SLC18B1: variants seen among roughly 807,000 people sequenced by gnomAD.
The protein encoded by SLC18B1 is solute carrier family 18 member B1, also known as MFS-type transporter SLC18B1.
SLC18B1 carries 62 observed loss-of-function variants against 53.9 expected under a neutral mutation model. That is an observed-to-expected ratio of 1.15 (90% CI 0.94 to 1.42). The LOEUF is 1.42. Ranked by LOEUF, SLC18B1 falls within the 40% of genes most tolerant of loss-of-function variation. SLC18B1 has a pLI of 0.00. For missense variants in SLC18B1, 598 were observed against 547.3 expected (o/e 1.09, Z -0.93); for synonymous variants, 217 against 200.9 (o/e 1.08, Z -0.68).
chr6:132,778,322 G>T (rs1328075567), intron 7 of SLC18B1, among the ~76,000 whole-genome samples: 1 of 152,072 alleles, frequency 6.6e-6, no homozygotes, highest in Non-Finnish European at 1.5e-5. Context: ...GGTACCTTAT[G>T]GATACTCACT....
In SLC18B1 at chr6:132,770,247, G is replaced by T. The variant is rs369337528; in HGVS notation, c.*23C>A. 58 of 1,596,110 alleles carry T rather than the reference G, an allele frequency of 3.6e-5. No homozygotes were observed. The African/African-American group carries it at 5.9e-4, about 16-fold the overall frequency. The stretch of plus-strand genomic sequence containing the variant: ...CCAGGAGCATTCATTTCTCAACCTT[G>T]TATCAATCCAGGATCCATCGGACTA... On this transcript the variant is annotated 3_prime_UTR_variant, in exon 14 of 14. Transcript: ENST00000275227.
intron 2 of SLC18B1, among the ~76,000 whole-genome samples, chr6:132,792,253 A>AGAGAG (rs1781547517): frequency 3.8e-5 from 1 of 26,036 alleles, no homozygotes; most frequent in Non-Finnish European, 7.4e-5. Flanking sequence ...GAAAGAAAGA[A>AGAGAG]AGAAAGAAAG....
At chr6:132,797,313 C>T (rs1295232398) in intron 1 of SLC18B1, among the ~76,000 whole-genome samples, 192 bp from the exon 2 acceptor site, 1 of 152,192 alleles carries the variant, frequency 6.6e-6, no homozygotes, top group African/African-American at 2.4e-5. Context: ...AAACGTACTG[C>T]TTTCGGCTGG....
At chr6:132,789,586 T>TA in intron 4 of SLC18B1, 178 bp downstream of exon 4, 1 of 530,394 alleles carries the variant, frequency 1.9e-6, no homozygotes, top group South Asian at 2.8e-5. Context: ...CCTGTTTCCT[T>TA]AAAATCAATG....
At chr6:132,785,426 A>G (rs1292784899) in intron 5 of SLC18B1, among the ~76,000 whole-genome samples, 5 of 152,234 alleles carry the variant, frequency 3.3e-5, no homozygotes, top group Admixed American at 6.5e-5. Flanking sequence ...TTTTAAATCA[A>G]TCTAGTTTTT....
intron 2 of SLC18B1, among the ~76,000 whole-genome samples, chr6:132,793,315 AT>A (rs1351740968): frequency 6.6e-6 from 1 of 152,242 alleles, no homozygotes; most frequent in Admixed American, 6.5e-5. Flanking sequence ...TCACCAATGC[AT>A]TTGTTGACCA....
At position 132,792,357 on chromosome 6, in the gene SLC18B1, G is replaced by GGAAGGAAGGAAGGAAGGA. The variant is rs1562271694; in HGVS notation, c.184-2086_184-2085insTCCTTCCTTCCTTCCTTC. Among the ~76,000 whole-genome samples the GGAAGGAAGGAAGGAAGGA allele has an allele frequency of 2.8e-4, 28 of 100,950 alleles. 1 individual carries two copies. The highest frequency in any genetic ancestry group is 5.5e-4 in the East Asian group (2 of 3,648). 66.2% of individuals were successfully genotyped at this position (100,950 alleles called of 152,430 possible). On this transcript the variant is annotated intron_variant, in intron 2 of 13. Coordinates refer to ENST00000275227, the MANE Select transcript of SLC18B1 (RefSeq NM_052831.3). The stretch of plus-strand genomic sequence containing the variant: ...GAAGGAAGGAAGGAAGGAAGGAAGG[G>GGAAGGAAGGAAGGAAGGA]AAAGAAAGAAAAGAAGGAAAGAAAG...
In SLC18B1 at chr6:132,770,991, T is replaced by A. The variant is rs1215950102; in HGVS notation, c.1254+45A>T. ...AATGTAAATTTTCCAAGTCAAGTTT[T>A]TCCACAAATATAAGGAAAATGCAAA... On this transcript the variant is annotated intron_variant, in intron 12 of 13. Coordinates refer to ENST00000275227, the MANE Select transcript of SLC18B1 (RefSeq NM_052831.3). 29 of 1,610,816 alleles carry A rather than the reference T, an allele frequency of 1.8e-5. No homozygotes were observed. The Middle Eastern group carries it at 6.6e-4, about 37-fold the overall frequency.
intron 2 of SLC18B1, 99 bp from the exon 3 acceptor site, chr6:132,790,371 T>C: frequency 1.3e-6 from 1 of 749,060 alleles, no homozygotes; most frequent in Non-Finnish European, 2.1e-6. Context: ...TTGTGAACTT[T>C]ATCTGTATAT....
chr6:132,781,963 G>A (rs2114671365), intron 6 of SLC18B1, among the ~76,000 whole-genome samples: 1 of 151,782 alleles, frequency 6.6e-6, no homozygotes, highest in Admixed American at 6.6e-5. Context: ...CAAGGTGGGA[G>A]GATCACTTTA....
intron 4 of SLC18B1, among the ~76,000 whole-genome samples, chr6:132,788,504 A>C (rs1423216831): frequency 6.6e-6 from 1 of 152,126 alleles, no homozygotes; most frequent in East Asian, 1.9e-4. Context: ...CCCAGATGAT[A>C]GTACTAAATA....
Position 132,776,404 on chromosome 6 carries a change from C to A in SLC18B1, c.821G>T (p.Gly274Val), listed in dbSNP as rs144106822. The change falls in exon 8 of 14, where the codon GGA becomes GTA. Residue 274 changes from glycine to valine, a missense_variant. Coordinates refer to ENST00000275227, the MANE Select transcript of SLC18B1 (RefSeq NM_052831.3). ...EKFNLPAGYV[G>V]LVFLGMALSY... ...CAGTGCCATACCCAGGAATACTAGTCCCACATATCCAGCTGGTAAATTGAA... is the reference window on the plus strand; with the variant it reads ...CAGTGCCATACCCAGGAATACTAGTACCACATATCCAGCTGGTAAATTGAA... The A allele has an allele frequency of 1.6e-3, 2,605 of 1,613,216 alleles. 4 individuals are homozygous for A. The highest frequency in any genetic ancestry group is 2.0e-3 in the Non-Finnish European group (2,389 of 1,179,580).
chr6:132,787,423 A>G lies in SLC18B1; in HGVS notation c.501+11T>C. On this transcript the variant is annotated intron_variant, in intron 5 of 13. Transcript: ENST00000275227. ...TCAAAGGAAAGTGGGAAATACTTCT[A>G]AAATACATACCAATACCGTAGCCAC... is the stretch of plus-strand genomic sequence containing the variant. 1.9e-6 allele frequency: 3 copies of G among 1,553,860 alleles called. No homozygotes were observed. Among genetic ancestry groups the G allele is most frequent in the Non-Finnish European group, 2.6e-6 (3 of 1,156,114 alleles).
rs1780931440 is a variant in SLC18B1 at position 132,770,161 on chromosome 6, C to T, written c.*109G>A. 4 of 845,876 alleles carry T rather than the reference C, an allele frequency of 4.7e-6. No individual in the cohort carries two copies. Among genetic ancestry groups the T allele is most frequent in the South Asian group, 3.0e-5 (2 of 66,658 alleles). 52.4% of individuals were successfully genotyped at this position (845,876 alleles called of 1,614,324 possible). A position where few individuals can be genotyped will look rare whatever the true frequency, so the allele number is the denominator to read the frequency against. ...CGTTGACACTTCCAAGACACTGGCACGGGGTCCACGGAGTTTTGCGCGTAA... is the reference window on the plus strand; with the variant it reads ...CGTTGACACTTCCAAGACACTGGCATGGGGTCCACGGAGTTTTGCGCGTAA... On this transcript the variant is annotated 3_prime_UTR_variant, in exon 14 of 14. Coordinates refer to ENST00000275227, the MANE Select transcript of SLC18B1 (RefSeq NM_052831.3).
At chr6:132,770,529 A>G (rs542537439) in intron 13 of SLC18B1, among the ~76,000 whole-genome samples, 193 bp from the exon 14 acceptor site, 2 of 152,264 alleles carry the variant, frequency 1.3e-5, no homozygotes, top group South Asian at 4.1e-4. Flanking sequence ...TGAGGTCAGG[A>G]GTTCGAGACC....
At position 132,787,582 on chromosome 6, in the gene SLC18B1, C is replaced by A; in HGVS notation, c.354-1G>T. The A allele has an allele frequency of 6.4e-7, 1 of 1,554,484 alleles. No homozygotes were observed. The highest frequency in any genetic ancestry group is 8.6e-7 in the Non-Finnish European group (1 of 1,157,752). ...CCCATCTGGAACTCGGTCCAATACACTAAAAAGGAATAAGACAATTCTGAA... is the reference window on the plus strand; with the variant it reads ...CCCATCTGGAACTCGGTCCAATACAATAAAAAGGAATAAGACAATTCTGAA... On this transcript the variant is annotated splice_acceptor_variant, in intron 4 of 13. Coordinates refer to ENST00000275227, the MANE Select transcript of SLC18B1 (RefSeq NM_052831.3). LOFTEE classifies it high-confidence loss of function.
At chr6:132,793,505 G>A (rs973112554) in intron 2 of SLC18B1, among the ~76,000 whole-genome samples, 3 of 152,158 alleles carry the variant, frequency 2.0e-5, no homozygotes, top group Non-Finnish European at 4.4e-5. Context: ...CCAGCATAAT[G>A]TCATAAAACC....
intron 4 of SLC18B1, among the ~76,000 whole-genome samples, chr6:132,787,957 C>A (rs530492887): frequency 2.6e-5 from 4 of 151,846 alleles, no homozygotes; most frequent in African/African-American, 9.7e-5. Context: ...GTCAGGAGAT[C>A]GAGACCATCC....
intron 4 of SLC18B1, 114 bp from the exon 5 acceptor site, chr6:132,787,695 A>T: frequency 1.1e-6 from 1 of 870,658 alleles, no homozygotes. Flanking sequence ...TTTAGAATAA[A>T]CCGCTTTAGA....
Sources: allele counts gnomAD v4.1 joint callset (sites outside exome capture counted in the v4.1 genomes callset), GRCh38; gene constraint gnomAD v4.1.1; transcripts MANE v1.5; gene names NCBI Gene and HGNC (gene_info 2026-07-23, HGNC 2026-07-21).